The following KCNE1 variants were observed in gnomAD, a reference collection of about 807,000 sequenced individuals.
The protein encoded by KCNE1 is potassium voltage-gated channel subfamily E regulatory subunit 1, also known as potassium voltage-gated channel subfamily E member 1.
KCNE1 carries 1 observed loss-of-function variant against 2.9 expected under a neutral mutation model. The ratio of observed to expected loss-of-function variants is 0.34; its 90% confidence interval spans 0.12 to 1.62. The LOEUF is 1.62. KCNE1 is among the 40% of genes most tolerant of loss of function. The pLI is 0.36. For synonymous variants in KCNE1, 23 were observed against 65.4 expected (o/e 0.35, Z 3.13); for missense variants, 45 against 150.5 (o/e 0.30, Z 3.67).
chr21:34,506,270 C>T (rs568947889), intron 2 of KCNE1, among the ~76,000 whole-genome samples: 2 of 152,316 alleles, frequency 1.3e-5, no homozygotes, highest in East Asian at 3.9e-4. Context: ...CCAATCACGT[C>T]TTTGAAATGT....
chr21:34,507,382 A>G (rs41312969), intron 2 of KCNE1, among the ~76,000 whole-genome samples: 1,588 of 152,234 alleles, frequency 0.01, 12 homozygotes, highest in Non-Finnish European at 0.016. Flanking sequence ...GGAAGCTTGG[A>G]GGGGAAAACG....
chr21:34,509,127 C>G (rs1028481195), intron 2 of KCNE1, among the ~76,000 whole-genome samples: 5 of 152,216 alleles, frequency 3.3e-5, no homozygotes, highest in African/African-American at 1.2e-4. Context: ...GGCCTCTGCT[C>G]AGGGTCTCAC....
intron 2 of KCNE1, among the ~76,000 whole-genome samples, chr21:34,498,639 G>A (rs1326865777): frequency 1.3e-5 from 2 of 152,244 alleles, no homozygotes; most frequent in Admixed American, 1.3e-4. Context: ...AGAGCCTTTG[G>A]TTGTAGATAT....
At chr21:34,499,535 C>G (rs953183866) in intron 2 of KCNE1, among the ~76,000 whole-genome samples, 1 of 152,218 alleles carries the variant, frequency 6.6e-6, no homozygotes, top group African/African-American at 2.4e-5. Context: ...CTCAAGGACC[C>G]CTGTGAGATA....
At chr21:34,496,836 G>C (rs973687421) in intron 2 of KCNE1, among the ~76,000 whole-genome samples, 2 of 152,160 alleles carry the variant, frequency 1.3e-5, no homozygotes, top group African/African-American at 4.8e-5. Flanking sequence ...AGAAATTTGA[G>C]AGCTCCAGTG....
At chr21:34,509,913 C>T (rs1983737367) in intron 2 of KCNE1, 2 of 152,174 alleles carry the variant, frequency 1.3e-5, no homozygotes, top group South Asian at 4.1e-4. Context: ...TTTCTCCTCC[C>T]ACCCTCCACT....
chr21:34,502,961 C>G (rs1459391679), intron 2 of KCNE1, among the ~76,000 whole-genome samples: 13 of 152,202 alleles, frequency 8.5e-5, no homozygotes, highest in Non-Finnish European at 1.9e-4. Context: ...ACTTTTGGCA[C>G]CAGATAGATG....
chr21:34,495,897 T>A (rs1040282084), intron 2 of KCNE1, among the ~76,000 whole-genome samples: 4 of 152,174 alleles, frequency 2.6e-5, no homozygotes, highest in Non-Finnish European at 5.9e-5. Flanking sequence ...CTATGATCTT[T>A]GTTATTTCTT....
intron 2 of KCNE1, among the ~76,000 whole-genome samples, chr21:34,505,223 T>C (rs1983409573): frequency 6.6e-6 from 1 of 152,066 alleles, no homozygotes; most frequent in Non-Finnish European, 1.5e-5. Context: ...AACCTCCGCC[T>C]CCTGGGTTCA....
chr21:34,503,992 C>T (rs1983321597), intron 2 of KCNE1, among the ~76,000 whole-genome samples: 1 of 152,212 alleles, frequency 6.6e-6, no homozygotes, highest in Non-Finnish European at 1.5e-5. Context: ...CTAGTAAGCA[C>T]CATCCCCCAT....
Position 34,511,206 on chromosome 21 carries a change from GTTATCC to G in KCNE1, c.-273_-268del. On this transcript the variant is annotated 5_prime_UTR_variant, in exon 2 of 4. An upstream open reading frame in the 5' UTR loses its in-frame stop. Coordinates refer to ENST00000399286, the MANE Select transcript of KCNE1 (RefSeq NM_000219.6). ...TTAGGAACTTCTCAGAACTTTTTGA[GTTATCC>G]TTCTGGTCTCTTCCTCCTGAGCACG... The G allele has an allele frequency of 1.0e-6, 1 of 985,762 alleles. No individual in the cohort carries two copies. Among genetic ancestry groups the G allele is most frequent in the Non-Finnish European group, 1.2e-6 (1 of 830,208 alleles). The allele number at this position is 985,762 out of a possible 1,614,324, so 61.1% of individuals were successfully genotyped here.
At chr21:34,507,580 T>A (rs1348357150) in intron 2 of KCNE1, among the ~76,000 whole-genome samples, 1 of 152,114 alleles carries the variant, frequency 6.6e-6, no homozygotes, top group Non-Finnish European at 1.5e-5. Flanking sequence ...TCCTGGGGGA[T>A]TAAATGATGG....
intron 2 of KCNE1, among the ~76,000 whole-genome samples, chr21:34,503,634 C>T (rs939648812): frequency 2.0e-5 from 3 of 152,190 alleles, no homozygotes; most frequent in African/African-American, 7.2e-5. Context: ...CCACCCATTA[C>T]TCATTAGCAT....
At chr21:34,510,134 A>T (rs552318690) in intron 2 of KCNE1, 1 of 152,332 alleles carries the variant, frequency 6.6e-6, no homozygotes, top group South Asian at 2.1e-4. Context: ...GGGCCAGTTC[A>T]CCCCTCACGC....
rs112517309 is a variant in KCNE1, at chr21:34,508,635, G to A, written c.-162+2466C>T. On this transcript the variant is annotated intron_variant, in intron 2 of 3. Transcript: ENST00000399286. ...TGGAATTACAGGCATGAGCCACCGC[G>A]CCCAGACTGGGGTTTTTTAATTTTC... is the stretch of plus-strand genomic sequence containing the variant. Among the ~76,000 whole-genome samples the A allele has an allele frequency of 7.9e-3, 1,197 of 152,284 alleles. 19 individuals carry two copies. Among genetic ancestry groups the A allele is most frequent in the African/African-American group, 0.027 (1,129 of 41,546 alleles).
chr21:34,506,710 A>C (rs1983509167), intron 2 of KCNE1, among the ~76,000 whole-genome samples: 1 of 152,280 alleles, frequency 6.6e-6, no homozygotes, highest in African/African-American at 2.4e-5. Context: ...AATCAGAAAC[A>C]AATACATTGA....
chr21:34,497,276 C>A (rs1363163669), intron 2 of KCNE1, among the ~76,000 whole-genome samples: 2 of 152,018 alleles, frequency 1.3e-5, no homozygotes, highest in East Asian at 1.9e-4. Context: ...TTTATAGGCC[C>A]TGTGAGATTT....
At chr21:34,504,636 T>C (rs915976855) in intron 2 of KCNE1, among the ~76,000 whole-genome samples, 3 of 152,208 alleles carry the variant, frequency 2.0e-5, no homozygotes, top group Non-Finnish European at 4.4e-5. Flanking sequence ...GCATTATTCA[T>C]AGTAGCCAAA....
At chr21:34,501,920 G>T (rs992362047) in intron 2 of KCNE1, among the ~76,000 whole-genome samples, 2 of 152,210 alleles carry the variant, frequency 1.3e-5, no homozygotes, top group African/African-American at 2.4e-5. Context: ...GTGCACCATT[G>T]TCTGTATGCC....
Sources: allele counts gnomAD v4.1 joint callset (sites outside exome capture counted in the v4.1 genomes callset), GRCh38; gene constraint gnomAD v4.1.1; transcripts MANE v1.5; gene names NCBI Gene and HGNC (gene_info 2026-07-23, HGNC 2026-07-21).